The following CAMK4 variants were observed in gnomAD, a reference collection of about 807,000 sequenced individuals.
CAMK4 encodes the protein calcium/calmodulin dependent protein kinase IV, also known as calcium/calmodulin-dependent protein kinase type IV.
A neutral mutation model predicts 44.9 loss-of-function variants in CAMK4; 22 were observed. That is an observed-to-expected ratio of 0.49 (90% CI 0.35 to 0.70). The LOEUF is 0.70. Among genes scored for constraint, CAMK4 ranks in the 30% least tolerant of loss-of-function variants. The pLI, the probability that CAMK4 is intolerant of heterozygous loss-of-function variation, is 0.01. For missense variants in CAMK4, 498 were observed against 586.8 expected, an observed-to-expected ratio of 0.85 and a Z score of 1.56; for synonymous variants, 218 against 215.4, an observed-to-expected ratio of 1.01 and a Z score of -0.11.
At chr5:111,444,401 C>T (rs1040240925) in intron 5 of CAMK4, among the ~76,000 whole-genome samples, 13 of 152,058 alleles carry the variant, frequency 8.5e-5, no homozygotes, top group Admixed American at 7.9e-4. Context: ...CCTCAGGTGC[C>T]ACTGTCACAA....
Position 111,421,747 on chromosome 5 carries a change from G to T in CAMK4, c.460-24939G>T, listed in dbSNP as rs538868257. Among the ~76,000 whole-genome samples the T allele has an allele frequency of 1.9e-4, 29 of 152,168 alleles. No individual in the cohort carries two copies. In the South Asian group the frequency reaches 5.8e-3, roughly 30 times the overall value. On this transcript the variant is annotated intron_variant, in intron 5 of 10. Transcript: ENST00000282356. ...TGATTATGTTGAAAGACATTGATGTGGTTTGGCTGTGTCTCCACCCAAATC... is the reference window on the plus strand; with the variant it reads ...TGATTATGTTGAAAGACATTGATGTTGTTTGGCTGTGTCTCCACCCAAATC...
At chr5:111,244,484 A>G (rs1290484199) in intron 1 of CAMK4, among the ~76,000 whole-genome samples, 1 of 152,142 alleles carries the variant, frequency 6.6e-6, no homozygotes, top group Non-Finnish European at 1.5e-5. Context: ...TGGGGCTGAG[A>G]TATTCTTTGT....
Position 111,484,161 on chromosome 5 carries a change from C to G in CAMK4, c.1117C>G (p.Pro373Ala). 2 of 1,614,126 alleles carry G rather than the reference C, an allele frequency of 1.2e-6. No homozygotes were observed. The highest frequency in any genetic ancestry group is 1.3e-5 in the African/African-American group (1 of 75,054). Residue 373 changes from proline (P) to alanine (A), a missense_variant, in exon 11 of 11, where the codon CCA (proline) becomes GCA (alanine). Pro to Ala is a conservative substitution (Grantham distance 27, BLOSUM62 -1). This residue lies in a region of CAMK4 where 143 missense variants were observed against 144.9 expected (regional missense o/e 0.99). Transcript: ENST00000282356. This position sits in a 1 kb window ranked among gnomAD's most constrained non-coding sequence, Gnocchi z 5.3. ...TGGCAACGAGGACATGAAAGCTATT[C>G]CAGAAGGAGAGAAAATTCAAGGCGA... is the stretch of plus-strand genomic sequence containing the variant. ...QDGNEDMKAI[P>A]EGEKIQGDGA... is the part of the protein sequence containing the mutation.
In CAMK4 at chr5:111,422,148, A is replaced by G. The variant is rs928001155; in HGVS notation, c.460-24538A>G. On this transcript the variant is annotated intron_variant, in intron 5 of 10. Coordinates refer to ENST00000282356, the MANE Select transcript of CAMK4 (RefSeq NM_001744.6). ...TGAGACACTTGATTCTAACCTTAGC[A>G]GTCTATACACATTCCTCTATATTCT... 4.6e-5 allele frequency among the ~76,000 whole-genome samples: 7 copies of G among 152,334 alleles called. 1 individual carries two copies. The East Asian group carries it at 5.8e-4, about 13-fold the overall frequency.
intron 1 of CAMK4, among the ~76,000 whole-genome samples, chr5:111,329,716 A>G (rs1360041265): frequency 6.6e-6 from 1 of 151,794 alleles, no homozygotes; most frequent in Non-Finnish European, 1.5e-5. Context: ...TTAGATATTA[A>G]TGAGAAAAAA....
intron 5 of CAMK4, among the ~76,000 whole-genome samples, chr5:111,418,218 C>G (rs999253150): frequency 1.3e-5 from 2 of 152,106 alleles, no homozygotes; most frequent in African/African-American, 4.8e-5. Flanking sequence ...CCGTGATGCC[C>G]CACAAGCTGC....
chr5:111,374,716 G>A (rs1751144761), intron 2 of CAMK4, 134 bp from the exon 3 acceptor site: 2 of 628,488 alleles, frequency 3.2e-6, no homozygotes, highest in South Asian at 1.9e-5. Context: ...AGAGAGGAAG[G>A]AGACACACAA....
intron 7 of CAMK4, among the ~76,000 whole-genome samples, chr5:111,454,734 A>G (rs188698206): frequency 4.6e-5 from 7 of 152,192 alleles, no homozygotes; most frequent in Admixed American, 2.0e-4. Flanking sequence ...AACTGCCAAA[A>G]TGTTTTAACT....
chr5:111,329,465 C>T (rs975919273), intron 1 of CAMK4, among the ~76,000 whole-genome samples: 2 of 151,742 alleles, frequency 1.3e-5, no homozygotes, highest in Admixed American at 1.3e-4. Flanking sequence ...ACAAAATCTT[C>T]CACCTTTTTA....
intron 1 of CAMK4, among the ~76,000 whole-genome samples, chr5:111,259,087 C>T (rs1749868253): frequency 6.6e-6 from 1 of 152,146 alleles, no homozygotes; most frequent in Admixed American, 6.6e-5. Context: ...TCTCACCCTT[C>T]TCCCAATGAA....
intron 5 of CAMK4, among the ~76,000 whole-genome samples, chr5:111,397,249 A>C (rs988786426): frequency 9.9e-5 from 15 of 152,214 alleles, no homozygotes; most frequent in African/African-American, 3.4e-4. Flanking sequence ...TTGAGCCTCA[A>C]TTTAGTCTTG....
At chr5:111,450,105 G>C (rs1754173903) in intron 7 of CAMK4, among the ~76,000 whole-genome samples, 1 of 151,700 alleles carries the variant, frequency 6.6e-6, no homozygotes, top group South Asian at 2.1e-4. Flanking sequence ...GGTCACTTGA[G>C]GTCAGGAGTT....
chr5:111,339,772 A>T, intron 1 of CAMK4, among the ~76,000 whole-genome samples: 1 of 151,110 alleles, frequency 6.6e-6, no homozygotes, highest in Admixed American at 6.6e-5. Context: ...ATGTTATTGG[A>T]ATTTTGATAG....
rs117815025 is a variant in CAMK4, at chr5:111,288,890, T to C, written c.162-55134T>C. Among the ~76,000 whole-genome samples, 25 of 152,342 alleles carry C rather than the reference T, an allele frequency of 1.6e-4. No homozygotes were observed. The East Asian group carries it at 3.1e-3, about 19-fold the overall frequency. On this transcript the variant is annotated intron_variant, in intron 1 of 10. Transcript: ENST00000282356. ...CAGTAAACTACCTCAAGACCTTCCA[T>C]TGTAGGAGAGAAAGGGGAAATATTT...
chr5:111,372,892 T>C (rs1418647221), intron 2 of CAMK4, among the ~76,000 whole-genome samples: 1 of 152,170 alleles, frequency 6.6e-6, no homozygotes, highest in Non-Finnish European at 1.5e-5. Context: ...GTTGCTTTTC[T>C]CTGCTCACAG....
intron 1 of CAMK4, among the ~76,000 whole-genome samples, chr5:111,342,632 TATG>T (rs1413004443): frequency 1.3e-5 from 2 of 151,578 alleles, no homozygotes; most frequent in African/African-American, 4.8e-5. Flanking sequence ...AATGTAATTA[TATG>T]ATTAGAATAA....
chr5:111,383,588 A>C (rs183964940), intron 4 of CAMK4, among the ~76,000 whole-genome samples: 33 of 151,004 alleles, frequency 2.2e-4, no homozygotes, highest in Non-Finnish European at 3.4e-4. Flanking sequence ...AGATGCCTAC[A>C]CCTGGAATTA....
At chr5:111,296,584 G>T (rs1281535341) in intron 1 of CAMK4, among the ~76,000 whole-genome samples, 1 of 152,102 alleles carries the variant, frequency 6.6e-6, no homozygotes, top group Non-Finnish European at 1.5e-5. Context: ...AAAATAATTT[G>T]CCAAATATTC....
chr5:111,421,255 C>T (rs116653131), intron 5 of CAMK4, among the ~76,000 whole-genome samples: 4,492 of 152,272 alleles, frequency 0.029, 234 homozygotes, highest in African/African-American at 0.1. Context: ...ATGTACACTG[C>T]GCCTGTCATG....
Sources: allele counts gnomAD v4.1 joint callset (sites outside exome capture counted in the v4.1 genomes callset), GRCh38; gene constraint gnomAD v4.1.1; regional missense constraint gnomAD v4.1.1; non-coding constraint Gnocchi (gnomAD v3.1); transcripts MANE v1.5; gene names NCBI Gene and HGNC (gene_info 2026-07-23, HGNC 2026-07-21).